The following SRCIN1 variants were observed in gnomAD, a reference collection of about 807,000 sequenced individuals.
SRCIN1 encodes the protein SRC kinase signaling inhibitor 1, also known as P130Cas-associated protein.
SRCIN1 carries 50 observed loss-of-function variants against 116.2 expected under a neutral mutation model. The observed-to-expected ratio is 0.43, with a 90% CI of 0.34 to 0.54. The LOEUF is 0.54. SRCIN1 is among the 20% of genes least tolerant of loss of function. The pLI is 0.02. For missense variants in SRCIN1, 1,446 were observed against 1,672.0 expected, an observed-to-expected ratio of 0.86 and a Z score of 2.36; for synonymous variants, 736 against 750.0, an observed-to-expected ratio of 0.98 and a Z score of 0.30.
Position 38,563,364 on chromosome 17 carries a change from T to C in SRCIN1, c.699A>G (p.Lys233=). ...LKSPNTAILI[K]DEARNVFYEL... is the part of the protein sequence containing the mutation. ...CGTAGAAGACGTTGCGAGCCTCGTC[T>C]TTGATGAGGATGGCGGTATTGGGCG... Residue 233 remains lysine (K), a synonymous_variant, in exon 5 of 19, where the codon AAA becomes AAG. Coordinates refer to ENST00000617146, the MANE Select transcript of SRCIN1 (RefSeq NM_025248.3). The surrounding 1 kb of genome is among the most constrained non-coding windows in gnomAD (Gnocchi z 5.8). 2 of 1,581,494 alleles carry C rather than the reference T, an allele frequency of 1.3e-6. No individual in the cohort carries two copies. Among genetic ancestry groups the C allele is most frequent in the Non-Finnish European group, 1.7e-6 (2 of 1,163,134 alleles).
intron 1 of SRCIN1, among the ~76,000 whole-genome samples, chr17:38,599,858 C>T (rs368818565): frequency 4.6e-5 from 7 of 152,296 alleles, no homozygotes; most frequent in African/African-American, 1.4e-4. Context: ...TTCTAGGAAT[C>T]GCCCCTCCAA....
chr17:38,559,844 T>A, intron 9 of SRCIN1, 72 bp from the exon 10 acceptor site: 3 of 1,444,410 alleles, frequency 2.1e-6, no homozygotes, highest in African/African-American at 1.4e-5. Context: ...TGGGACAAAG[T>A]CCTCCCTACT....
intron 11 of SRCIN1, among the ~76,000 whole-genome samples, chr17:38,554,327 C>T (rs1355350804): frequency 1.3e-5 from 2 of 152,186 alleles, no homozygotes; most frequent in African/African-American, 2.4e-5. Flanking sequence ...TCTTGTTTTC[C>T]GTGCTGCTGT....
intron 2 of SRCIN1, among the ~76,000 whole-genome samples, chr17:38,573,086 G>A (rs1907203921): frequency 1.3e-5 from 2 of 152,330 alleles, no homozygotes; most frequent in Admixed American, 6.5e-5. Flanking sequence ...GAAGCCGGGG[G>A]AGGGGCTTTG....
At chr17:38,536,717 C>T (rs1904403399) in intron 18 of SRCIN1, among the ~76,000 whole-genome samples, 1 of 152,230 alleles carries the variant, frequency 6.6e-6, no homozygotes, top group Non-Finnish European at 1.5e-5. Flanking sequence ...ATTGAACCAT[C>T]AGGAGAAGCT....
chr17:38,580,880 G>A (rs951947611), intron 1 of SRCIN1, among the ~76,000 whole-genome samples: 2 of 152,148 alleles, frequency 1.3e-5, no homozygotes, highest in African/African-American at 2.4e-5. Context: ...CTGGCACTCA[G>A]CTTGGAGTAT....
chr17:38,588,816 C>T (rs568456413), intron 1 of SRCIN1, among the ~76,000 whole-genome samples: 1 of 152,318 alleles, frequency 6.6e-6, no homozygotes, highest in Admixed American at 6.5e-5. Context: ...TACTCATCAA[C>T]GGGCTCATCA....
At chr17:38,606,205 C>T (rs2143497151), upstream of SRCIN1, among the ~76,000 whole-genome samples, 1 of 151,918 alleles carries the variant, frequency 6.6e-6, no homozygotes, top group South Asian at 2.1e-4. This position sits in a 1 kb window ranked among gnomAD's most constrained non-coding sequence, Gnocchi z 5.2. Flanking sequence ...GTAGTCTTCG[C>T]GCCACGATAG....
At chr17:38,592,914 A>G (rs1206956614) in intron 1 of SRCIN1, among the ~76,000 whole-genome samples, 1 of 152,000 alleles carries the variant, frequency 6.6e-6, no homozygotes, top group African/African-American at 2.4e-5. Context: ...TAAGGAAGGG[A>G]GGGCTGCAGA....
intron 17 of SRCIN1, chr17:38,547,813 C>T (rs193051649): frequency 9.9e-5 from 22 of 221,594 alleles, no homozygotes; most frequent in African/African-American, 5.4e-4. Context: ...CCTGGGGGGA[C>T]AGCAAGGTGG....
intron 16 of SRCIN1, 137 bp downstream of exon 16, chr17:38,548,919 G>T: frequency 1.6e-6 from 2 of 1,242,616 alleles, no homozygotes; most frequent in Admixed American, 2.9e-5. Context: ...GGACAAAGTC[G>T]CCACCGGCCA....
At chr17:38,576,308 G>T (rs540782611) in intron 2 of SRCIN1, among the ~76,000 whole-genome samples, 1 of 151,850 alleles carries the variant, frequency 6.6e-6, no homozygotes, top group African/African-American at 2.4e-5. Context: ...TACCCTCTGC[G>T]CCCACAAATC....
chr17:38,586,858 G>A (rs1376631755), intron 1 of SRCIN1, among the ~76,000 whole-genome samples: 2 of 152,352 alleles, frequency 1.3e-5, no homozygotes, highest in East Asian at 1.9e-4. Context: ...GGACCTCTTC[G>A]AGGCTGGGGG....
Position 38,604,549 on chromosome 17 carries a change from C to T in SRCIN1, c.22+1135G>A, listed in dbSNP as rs571283007. The T allele has an allele frequency of 2.9e-4, 134 of 454,818 alleles. 1 individual carries two copies. The highest frequency in any genetic ancestry group is 2.0e-3 in the South Asian group (129 of 64,350). 28.2% of individuals were successfully genotyped at this position (454,818 alleles called of 1,614,324 possible). ...TGGGAGAGCGGGCTCTGCCCTCCGC[C>T]GTCCTCTCCCACCAGGCCAGGGCAA... On this transcript the variant is annotated intron_variant, in intron 1 of 18. Transcript: ENST00000617146. This position sits in a 1 kb window ranked among gnomAD's most constrained non-coding sequence, Gnocchi z 4.3.
chr17:38,563,649 C>G lies in SRCIN1; in HGVS notation c.542-128G>C, dbSNP rs111280619. The G allele has an allele frequency of 5.8e-4, 756 of 1,305,848 alleles. 3 individuals carry two copies. In the African/African-American group the frequency reaches 8.9e-3, roughly 15 times the overall value. The allele number at this position is 1,305,848 out of a possible 1,614,324, so 80.9% of individuals were successfully genotyped here. A position where few individuals can be genotyped will look rare whatever the true frequency, so the allele number is the denominator to read the frequency against. ...AGGGTCTGAGGCTAGACGCCGCCCC[C>G]GAGTGCAGATGCACCCAGGCACCTC... On this transcript the variant is annotated intron_variant, in intron 4 of 18. Coordinates refer to ENST00000617146, the MANE Select transcript of SRCIN1 (RefSeq NM_025248.3). The surrounding 1 kb of genome is among the most constrained non-coding windows in gnomAD (Gnocchi z 5.8).
At position 38,562,381 on chromosome 17, in the gene SRCIN1, T is replaced by C. The variant is rs928732380; in HGVS notation, c.835-53A>G. The C allele has an allele frequency of 2.0e-5, 28 of 1,391,686 alleles. No homozygotes were observed. Among genetic ancestry groups the C allele is most frequent in the Non-Finnish European group, 2.4e-5 (26 of 1,079,744 alleles). 86.2% of individuals were successfully genotyped at this position (1,391,686 alleles called of 1,614,324 possible). On this transcript the variant is annotated intron_variant, in intron 6 of 18. Transcript: ENST00000617146. The surrounding 1 kb of genome is among the most constrained non-coding windows in gnomAD (Gnocchi z 4.2). The stretch of plus-strand genomic sequence containing the variant: ...CGGGGCTGGTCACCAAGGACACCCC[T>C]GTCCCTTGCTTGAGGAGCCAGCATC...
At chr17:38,571,488 C>T (rs898117800) in intron 2 of SRCIN1, among the ~76,000 whole-genome samples, 1 of 152,176 alleles carries the variant, frequency 6.6e-6, no homozygotes, top group African/African-American at 2.4e-5. Context: ...ACACCAGAAA[C>T]CCCCCAGTTA....
rs1300760353 is a variant in SRCIN1, at chr17:38,543,043, A to G, written c.3417+780T>C. The stretch of plus-strand genomic sequence containing the variant: ...CTCACAACATCTGGGTCCAGGAGCC[A>G]CCCTGCAGCCTCTGACCAGGCCACA... On this transcript the variant is annotated intron_variant, in intron 18 of 18. Coordinates refer to ENST00000617146, the MANE Select transcript of SRCIN1 (RefSeq NM_025248.3). 1.8e-5 allele frequency: 8 copies of G among 456,280 alleles called. No individual in the cohort carries two copies. In the Admixed American group the frequency reaches 1.9e-4, roughly 11 times the overall value. 28.3% of individuals were successfully genotyped at this position (456,280 alleles called of 1,614,324 possible).
intron 1 of SRCIN1, among the ~76,000 whole-genome samples, chr17:38,598,946 AG>A (rs1302826736): frequency 1.1e-4 from 16 of 152,116 alleles, no homozygotes; most frequent in African/African-American, 3.9e-4. Context: ...GATGTAGGCA[AG>A]GTGTGCCTTC....
Sources: gnomAD v4.1 joint callset for allele counts (sites outside exome capture counted in the v4.1 genomes callset) on GRCh38, gnomAD v4.1.1 for gene constraint, Gnocchi (gnomAD v3.1) non-coding constraint, MANE v1.5 for transcripts, NCBI Gene and HGNC (gene_info 2026-07-23, HGNC 2026-07-21) for gene names.